HGS: variants seen among roughly 807,000 people sequenced by gnomAD.
HGS encodes human growth factor-regulated tyrosine kinase substrate.
A neutral mutation model predicts 109.7 loss-of-function variants in HGS; 63 were observed. That is an observed-to-expected ratio of 0.57 (90% confidence interval 0.47 to 0.71). The LOEUF is 0.71. Ranked by LOEUF, HGS falls within the 30% of genes least tolerant of loss-of-function variation. The probability of loss-of-function intolerance (pLI) is 0.00; values close to 1 mark genes in which losing one functional copy is unlikely to be tolerated. For synonymous variants in HGS, 546 were observed against 437.3 expected, an observed-to-expected ratio of 1.25 and a Z score of -3.10; for missense variants, 995 against 1,068.3, an observed-to-expected ratio of 0.93 and a Z score of 0.96.
chr17:81,695,773 G>T lies in HGS; in HGVS notation c.1180-13G>T, dbSNP rs1181678198. On this transcript the variant is annotated splice_polypyrimidine_tract_variant and intron_variant, in intron 14 of 21. Coordinates refer to ENST00000329138, the MANE Select transcript of HGS (RefSeq NM_004712.5). The stretch of plus-strand genomic sequence containing the variant: ...CGTGGCCGCACTCATCCAGAACCCT[G>T]CTCTGCCTGCAGCCACAGTTCCACA... 2 of 1,612,918 alleles carry T rather than the reference G, an allele frequency of 1.2e-6. No individual in the cohort carries two copies. The highest frequency in any genetic ancestry group is 1.7e-6 in the Non-Finnish European group (2 of 1,179,844).
chr17:81,688,907 GGC>G, intron 5 of HGS, 80 bp downstream of exon 5: 1 of 1,568,592 alleles, frequency 6.4e-7, no homozygotes. Flanking sequence ...AGTGGCGAGG[GGC>G]CTGGGAAGAT....
Position 81,694,953 on chromosome 17 carries a change from G to C in HGS, c.1005G>C (p.Trp335Cys), listed in dbSNP as rs780318022. ...ELARYLNRNY[W>C]EKKQEEARKS... Reference sequence around the variant, plus strand: ...CACGGTATCTCAACCGGAACTACTGGGAGAAGAAGCAGGAGGAGGCTCGCA... The same window carrying C: ...CACGGTATCTCAACCGGAACTACTGCGAGAAGAAGCAGGAGGAGGCTCGCA... Residue 335 changes from tryptophan (W) to cysteine (C), a missense_variant, in exon 13 of 22, where the codon TGG (tryptophan) becomes TGC (cysteine). Physicochemically the swap from Trp to Cys is radical, Grantham distance 215. Around this residue, in one of 6 missense-constraint regions of HGS, gnomAD observed 300 missense variants for 235.4 expected, o/e 1.27. Coordinates refer to ENST00000329138, the MANE Select transcript of HGS (RefSeq NM_004712.5). 37 of 1,614,174 alleles carry C rather than the reference G, an allele frequency of 2.3e-5. No individual in the cohort carries two copies. Among genetic ancestry groups the C allele is most frequent in the Non-Finnish European group, 3.1e-5 (36 of 1,180,042 alleles).
In HGS at chr17:81,690,186, C is replaced by CCTCTTTCCA; in HGVS notation, c.420_421insCTCTTTCCA (p.His140_Val141insLeuPhePro). 3 of 1,613,696 alleles carry CCTCTTTCCA rather than the reference C, an allele frequency of 1.9e-6. No individual in the cohort carries two copies. The highest frequency in any genetic ancestry group is 2.5e-6 in the Non-Finnish European group (3 of 1,179,722). ...ACTATGGCTTCATCTCTCCAGGGCA[C>CCTCTTTCCA]GTCTTTCCAGAATTCAAAGAGAGCG... On this transcript the variant is annotated inframe_insertion, in exon 6 of 22. Coordinates refer to ENST00000329138, the MANE Select transcript of HGS (RefSeq NM_004712.5).
At position 81,696,615 on chromosome 17, in the gene HGS, G is replaced by C; in HGVS notation, c.1575G>C (p.Leu525=). The change falls in exon 17 of 22, where the codon CTG becomes CTC. Residue 525 remains leucine (L), a synonymous_variant. Coordinates refer to ENST00000329138, the MANE Select transcript of HGS (RefSeq NM_004712.5). ...EIMRQKKQEY[L]EVQRQLAIQR... ...ATGTTTTTGCCGCACAGGAGTACCTGGAGGTGCAGAGGCAGCTGGCCATCC... is the reference window on the plus strand; with the variant it reads ...ATGTTTTTGCCGCACAGGAGTACCTCGAGGTGCAGAGGCAGCTGGCCATCC... The C allele has an allele frequency of 1.9e-6, 3 of 1,607,598 alleles. No individual in the cohort carries two copies. The highest frequency in any genetic ancestry group is 2.5e-6 in the Non-Finnish European group (3 of 1,177,194).
At chr17:81,696,297 C>G (rs2037146278) in intron 15 of HGS, 60 bp from the exon 16 acceptor site, 11 of 1,469,488 alleles carry the variant, frequency 7.5e-6, no homozygotes, top group South Asian at 7.1e-5. Flanking sequence ...GTCCGTTCCA[C>G]CCAGGAGCTT....
intron 15 of HGS, 134 bp from the exon 16 acceptor site, chr17:81,696,223 C>G: frequency 8.1e-7 from 1 of 1,233,312 alleles, no homozygotes; most frequent in Non-Finnish European, 1.1e-6. Flanking sequence ...TGCCTGCCTC[C>G]CCCAGAGCCC....
Position 81,701,499 on chromosome 17 carries a change from C to G in HGS, c.2224-9C>G. 2 of 1,548,266 alleles carry G rather than the reference C, an allele frequency of 1.3e-6. No homozygotes were observed. The highest frequency in any genetic ancestry group is 1.7e-6 in the Non-Finnish European group (2 of 1,153,050). On this transcript the variant is annotated splice_polypyrimidine_tract_variant and intron_variant, in intron 21 of 21. Coordinates refer to ENST00000329138, the MANE Select transcript of HGS (RefSeq NM_004712.5). ...GGACCAGGGCCATGCCTGCTTTCCT[C>G]CTGCACAGATGGCACCCTCTGGCGG...
chr17:81,702,113 C>G lies in HGS; in HGVS notation c.*495C>G, dbSNP rs867668521. 1 of 153,326 alleles carries G rather than the reference C, an allele frequency of 6.5e-6. No individual in the cohort carries two copies. The highest frequency in any genetic ancestry group is 1.5e-5 in the Non-Finnish European group (1 of 68,838). 9.5% of individuals were successfully genotyped at this position (153,326 alleles called of 1,614,324 possible). On this transcript the variant is annotated 3_prime_UTR_variant, in exon 22 of 22. Coordinates refer to ENST00000329138, the MANE Select transcript of HGS (RefSeq NM_004712.5). ...GGTACAGCGATAATAAAATGTATTT[C>G]AGAAAGCATCAGCGTTTTTTCTTTA...
Position 81,696,606 on chromosome 17 carries a change from G to A in HGS, c.1567-1G>A. The A allele has an allele frequency of 6.3e-7, 1 of 1,598,544 alleles. No homozygotes were observed. The highest frequency in any genetic ancestry group is 1.3e-5 in the African/African-American group (1 of 74,772). ...ATAACCAGCATGTTTTTGCCGCACA[G>A]GAGTACCTGGAGGTGCAGAGGCAGC... On this transcript the variant is annotated splice_acceptor_variant, in intron 16 of 21. Coordinates refer to ENST00000329138, the MANE Select transcript of HGS (RefSeq NM_004712.5). LOFTEE classifies it high-confidence loss of function.
At chr17:81,698,991 T>A (rs2037193938) in intron 18 of HGS, among the ~76,000 whole-genome samples, 1 of 150,308 alleles carries the variant, frequency 6.7e-6, no homozygotes, top group African/African-American at 2.5e-5. Flanking sequence ...CACTGGAACC[T>A]GGGAGGTGGA....
At chr17:81,690,387 C>G in intron 6 of HGS, 153 bp downstream of exon 6, 1 of 812,792 alleles carries the variant, frequency 1.2e-6, no homozygotes, top group Non-Finnish European at 2.0e-6. Flanking sequence ...GGAGGCGTAG[C>G]AGCTGTCTCT....
At position 81,696,418 on chromosome 17, in the gene HGS, T is replaced by C; in HGVS notation, c.1455T>C (p.Ser485=). The C allele has an allele frequency of 1.3e-6, 2 of 1,578,166 alleles. No individual in the cohort carries two copies. The highest frequency in any genetic ancestry group is 1.3e-5 in the African/African-American group (1 of 74,382). The change falls in exon 16 of 22, where the codon AGT becomes AGC. Residue 485 remains serine (S), a synonymous_variant. Transcript: ENST00000329138. ...AQIRDARGAL[S]ALREEHREKL... ...TCCGCGATGCCCGGGGGGCGCTGAG[T>C]GCCCTGCGCGAAGAGCACCGGGAGA...
intron 4 of HGS, among the ~76,000 whole-genome samples, chr17:81,687,911 G>T (rs770225455): frequency 6.6e-6 from 1 of 152,180 alleles, no homozygotes; most frequent in African/African-American, 2.4e-5. Context: ...TTCCTGTCCC[G>T]TCCTGTCCTG....
intron 11 of HGS, 78 bp from the exon 12 acceptor site, chr17:81,694,737 C>A: frequency 1.3e-6 from 2 of 1,569,408 alleles, no homozygotes; most frequent in Non-Finnish European, 1.8e-6. Context: ...CAGGATCTGT[C>A]GCACTGGGGA....
chr17:81,701,771 C>T lies in HGS; in HGVS notation c.*153C>T, dbSNP rs1202931335. On this transcript the variant is annotated 3_prime_UTR_variant, in exon 22 of 22. Coordinates refer to ENST00000329138, the MANE Select transcript of HGS (RefSeq NM_004712.5). Reference sequence around the variant, plus strand: ...GGGCCTTCACCCCAAGCCCACCTCCCTTGTCCTCAGCCTACTGCAGTCCCT... The same window carrying T: ...GGGCCTTCACCCCAAGCCCACCTCCTTTGTCCTCAGCCTACTGCAGTCCCT... 1.6e-5 allele frequency: 19 copies of T among 1,168,006 alleles called. 1 individual carries two copies. The South Asian group carries it at 2.2e-4, about 13-fold the overall frequency. 72.4% of individuals were successfully genotyped at this position (1,168,006 alleles called of 1,614,324 possible). A position where few individuals can be genotyped will look rare whatever the true frequency, so the allele number is the denominator to read the frequency against.
chr17:81,700,475 A>T lies in HGS; in HGVS notation c.1891A>T (p.Met631Leu). ...TGTCTTGTTTGTCACAGATCCCAGCATGGTGAGTGCCTACATGTACCCAGC... is the reference window on the plus strand; with the variant it reads ...TGTCTTGTTTGTCACAGATCCCAGCTTGGTGAGTGCCTACATGTACCCAGC... ...SMPSTAADPS[M>L]VSAYMYPAGA... Residue 631 changes from methionine to leucine, a missense_variant, in exon 19 of 22, where the codon ATG (methionine) becomes TTG (leucine). By Grantham distance (15) the Met-to-Leu change is conservative. Transcript: ENST00000329138. 6.4e-7 allele frequency: 1 copy of T among 1,570,878 alleles called. No individual in the cohort carries two copies. Among genetic ancestry groups the T allele is most frequent in the Non-Finnish European group, 8.6e-7 (1 of 1,156,736 alleles).
intron 13 of HGS, 38 bp from the exon 14 acceptor site, chr17:81,695,126 G>T: frequency 6.2e-7 from 1 of 1,613,708 alleles, no homozygotes; most frequent in Non-Finnish European, 8.5e-7. Context: ...GGTGGATGCG[G>T]GACAGGTTGG....
chr17:81,688,572 CG>C, intron 4 of HGS, 131 bp from the exon 5 acceptor site: 9 of 1,139,394 alleles, frequency 7.9e-6, no homozygotes, highest in South Asian at 1.5e-5. Context: ...ACGCCCCACT[CG>C]GGGGGCCCTC....
rs747818685 is a variant in HGS, at chr17:81,693,760, G to A, written c.840+8G>A. The A allele has an allele frequency of 4.1e-5, 63 of 1,540,230 alleles. No homozygotes were observed. Among genetic ancestry groups the A allele is most frequent in the Middle Eastern group, 1.8e-4 (1 of 5,664 alleles). On this transcript the variant is annotated splice_region_variant and intron_variant, in intron 10 of 21. Transcript: ENST00000329138. ...GAGGAGAAGGAGAGGCTGGTAAGCC[G>A]GGTGGGGCGGGGCGGCCTCAGGAGG... is the stretch of plus-strand genomic sequence containing the variant.
Sources: gnomAD v4.1 joint callset for allele counts (sites outside exome capture counted in the v4.1 genomes callset) on GRCh38, gnomAD v4.1.1 for gene constraint, gnomAD v4.1.1 regional missense constraint, MANE v1.5 for transcripts, NCBI Gene and HGNC (gene_info 2026-07-23, HGNC 2026-07-21) for gene names.